DENND4C: variants seen among roughly 807,000 people sequenced by gnomAD.
The protein encoded by DENND4C is DENN domain-containing protein 4C.
A neutral mutation model predicts 203.0 loss-of-function variants in DENND4C; 108 were observed. The ratio of observed to expected loss-of-function variants is 0.53; its 90% CI spans 0.46 to 0.62. DENND4C has a LOEUF of 0.62. DENND4C is among the 20% of genes least tolerant of loss of function. The pLI, the probability that DENND4C is intolerant of heterozygous loss-of-function variation, is 0.00. For synonymous variants in DENND4C, 871 were observed against 792.4 expected (o/e 1.10, Z -1.67); for missense variants, 2,481 against 2,301.2 (o/e 1.08, Z -1.60).
At chr9:19,271,801 GA>G in intron 1 of DENND4C, among the ~76,000 whole-genome samples, 1 of 150,702 alleles carries the variant, frequency 6.6e-6, no homozygotes, top group Non-Finnish European at 1.5e-5. Flanking sequence ...GGAGGCGAAC[GA>G]AGGTTGCGTT....
At chr9:19,232,383 G>C (rs1820804640) in intron 1 of DENND4C, among the ~76,000 whole-genome samples, 1 of 152,050 alleles carries the variant, frequency 6.6e-6, no homozygotes, top group South Asian at 2.1e-4. Flanking sequence ...CTGATCTTTT[G>C]TATAACCTGT....
chr9:19,356,765 G>A (rs1010563272), intron 26 of DENND4C, among the ~76,000 whole-genome samples: 1 of 151,506 alleles, frequency 6.6e-6, no homozygotes, highest in Non-Finnish European at 1.5e-5. Flanking sequence ...GAGAAAATGA[G>A]AGCAGGAATG....
chr9:19,328,228 TC>T lies in DENND4C; in HGVS notation c.2253+67del, dbSNP rs536095089. 5.6e-6 allele frequency: 8 copies of T among 1,424,342 alleles called. No individual in the cohort carries two copies. In the South Asian group the frequency reaches 9.7e-5, roughly 17 times the overall value. The allele number at this position is 1,424,342 out of a possible 1,614,324, so 88.2% of individuals were successfully genotyped here. On this transcript the variant is annotated intron_variant, in intron 16 of 32. Transcript: ENST00000434457. ...AAAATATGTATATGTGATATGCAGCTCATAGTTTAGAATGATCACCCACAAC... is the reference window on the plus strand; with the variant it reads ...AAAATATGTATATGTGATATGCAGCTATAGTTTAGAATGATCACCCACAAC...
Position 19,372,929 on chromosome 9 carries a change from T to TCC in DENND4C, c.*756_*757insCC, listed in dbSNP as rs1829087951. On this transcript the variant is annotated 3_prime_UTR_variant, in exon 33 of 33. Transcript: ENST00000434457. ...TTGTATATGTGTAGGGCTGTGTAGG[T>TCC]ATGTGTATATACAGCCATATTCTAA... The TCC allele has an allele frequency of 6.6e-6, 1 of 150,462 alleles. No individual in the cohort carries two copies. Among genetic ancestry groups the TCC allele is most frequent in the Non-Finnish European group, 1.5e-5 (1 of 67,756 alleles). The allele number at this position is 150,462 out of a possible 1,614,324, so 9.3% of individuals were successfully genotyped here. A position where few individuals can be genotyped will look rare whatever the true frequency, so the allele number is the denominator to read the frequency against.
intron 2 of DENND4C, among the ~76,000 whole-genome samples, chr9:19,285,341 G>A (rs190650059): frequency 3.3e-5 from 5 of 152,240 alleles, no homozygotes; most frequent in East Asian, 3.9e-4. Flanking sequence ...CTTACTTAAA[G>A]TGTACAATTC....
Position 19,358,262 on chromosome 9 carries a change from A to C in DENND4C, c.5160+102A>C. The C allele has an allele frequency of 1.0e-6, 1 of 955,392 alleles. No individual in the cohort carries two copies. The highest frequency in any genetic ancestry group is 1.5e-6 in the Non-Finnish European group (1 of 682,692). 59.2% of individuals were successfully genotyped at this position (955,392 alleles called of 1,614,324 possible). The stretch of plus-strand genomic sequence containing the variant: ...TAGTGGACTTATTTTAATTACATGA[A>C]AAGTGATAGAGTTTTTCCATAAACA... On this transcript the variant is annotated intron_variant, in intron 28 of 32. Coordinates refer to ENST00000434457, the MANE Select transcript of DENND4C (RefSeq NM_001330640.2). The surrounding 1 kb of genome is among the most constrained non-coding windows in gnomAD (Gnocchi z 4.8).
intron 30 of DENND4C, among the ~76,000 whole-genome samples, chr9:19,367,434 C>T (rs537057372): frequency 1.3e-5 from 2 of 152,346 alleles, no homozygotes; most frequent in East Asian, 3.9e-4. Context: ...AAACAAATGT[C>T]TATCAGTCTA....
At chr9:19,369,700 A>C (rs1280052293) in intron 30 of DENND4C, 137 bp from the exon 31 acceptor site, 4 of 414,660 alleles carry the variant, frequency 9.6e-6, no homozygotes, top group Non-Finnish European at 1.5e-5. Context: ...CTGGGAGACG[A>C]AGGTTGCAGT....
At chr9:19,356,895 A>G (rs762968968) in intron 26 of DENND4C, 77 bp from the exon 27 acceptor site, 27 of 1,351,220 alleles carry the variant, frequency 2.0e-5, no homozygotes, top group Non-Finnish European at 2.7e-5. Flanking sequence ...TAGCAATAAA[A>G]TGATTCTAAA....
At chr9:19,297,680 A>T (rs1261524147) in intron 6 of DENND4C, among the ~76,000 whole-genome samples, 2 of 152,168 alleles carry the variant, frequency 1.3e-5, no homozygotes, top group Non-Finnish European at 2.9e-5. Flanking sequence ...GTGTTAGAGG[A>T]GTAAATCTGG....
chr9:19,262,076 CTTTTT>C (rs60223074), intron 1 of DENND4C, among the ~76,000 whole-genome samples: 692 of 55,252 alleles, frequency 0.013, 2 homozygotes, highest in African/African-American at 0.039. Context: ...TTTATTAGTT[CTTTTT>C]TTTTTTTTTT....
chr9:19,303,896 G>A (rs1390339591), intron 9 of DENND4C, among the ~76,000 whole-genome samples: 1 of 150,570 alleles, frequency 6.6e-6, no homozygotes, highest in Non-Finnish European at 1.5e-5. Context: ...TTTTTTTGTG[G>A]AGATGAGGGT....
At chr9:19,261,740 A>T (rs961753220) in intron 1 of DENND4C, among the ~76,000 whole-genome samples, 3 of 152,028 alleles carry the variant, frequency 2.0e-5, no homozygotes, top group African/African-American at 7.2e-5. Context: ...GGCTCACTCA[A>T]GCAGTCTTCC....
chr9:19,331,450 C>G (rs1203445014), intron 16 of DENND4C, among the ~76,000 whole-genome samples: 1 of 152,106 alleles, frequency 6.6e-6, no homozygotes, highest in African/African-American at 2.4e-5. Flanking sequence ...ATCCATCTGC[C>G]TTGGCCTCCC....
At position 19,342,665 on chromosome 9, in the gene DENND4C, C is replaced by T. The variant is rs565480721; in HGVS notation, c.3037C>T (p.His1013Tyr). ...VCDASAIVAK[H>Y]SQPSPEPHSP... is the part of the protein sequence containing the mutation. ...TGATGCCTCTGCTATTGTGGCAAAA[C>T]ATTCACAACCTAGTCCAGAGCCTCA... Residue 1013 changes from histidine (H) to tyrosine (Y), a missense_variant, in exon 22 of 33, where the codon CAT (histidine) becomes TAT (tyrosine). Coordinates refer to ENST00000434457, the MANE Select transcript of DENND4C (RefSeq NM_001330640.2). 1 of 1,608,632 alleles carries T rather than the reference C, an allele frequency of 6.2e-7. No individual in the cohort carries two copies. Among genetic ancestry groups the T allele is most frequent in the African/African-American group, 1.3e-5 (1 of 74,694 alleles).
chr9:19,302,989 T>C (rs917949103), intron 9 of DENND4C, among the ~76,000 whole-genome samples: 1 of 150,830 alleles, frequency 6.6e-6, no homozygotes, highest in Non-Finnish European at 1.5e-5. Flanking sequence ...TTTACTTGGC[T>C]TTACTTTTCC....
Position 19,363,738 on chromosome 9 carries a change from C to T in DENND4C, c.5524+1775C>T, listed in dbSNP as rs150391372. Among the ~76,000 whole-genome samples, 389 of 152,094 alleles carry T rather than the reference C, an allele frequency of 2.6e-3. 1 individual carries two copies. Among genetic ancestry groups the T allele is most frequent in the African/African-American group, 9.1e-3 (378 of 41,464 alleles). On this transcript the variant is annotated intron_variant, in intron 30 of 32. Transcript: ENST00000434457. Reference sequence around the variant, plus strand: ...AAAAAAGGAAAATGTAGGCCTGGCACGGTGGCTCATGCCTGTAATCCCAGC... The same window carrying T: ...AAAAAAGGAAAATGTAGGCCTGGCATGGTGGCTCATGCCTGTAATCCCAGC...
chr9:19,345,834 C>T, intron 22 of DENND4C, 87 bp from the exon 23 acceptor site: 2 of 1,207,102 alleles, frequency 1.7e-6, no homozygotes, highest in African/African-American at 1.5e-5. Context: ...GTATATGTCA[C>T]ATTCATAATC....
chr9:19,293,501 G>A (rs1836789367), intron 5 of DENND4C, among the ~76,000 whole-genome samples: 1 of 152,040 alleles, frequency 6.6e-6, no homozygotes, highest in Non-Finnish European at 1.5e-5. Context: ...GAATGTGTGT[G>A]TAAAGGCAAG....
Sources: allele counts gnomAD v4.1 joint callset (sites outside exome capture counted in the v4.1 genomes callset), GRCh38; gene constraint gnomAD v4.1.1; non-coding constraint Gnocchi (gnomAD v3.1); transcripts MANE v1.5; gene names NCBI Gene and HGNC (gene_info 2026-07-23, HGNC 2026-07-21).